CACNB4: variants seen among roughly 807,000 people sequenced by gnomAD.
CACNB4 encodes the protein voltage-dependent L-type calcium channel subunit beta-4.
CACNB4 carries 32 observed loss-of-function variants against 71.2 expected under a neutral mutation model. The ratio of observed to expected loss-of-function variants is 0.45; its 90% CI spans 0.34 to 0.60. CACNB4 has a LOEUF of 0.60. CACNB4 is among the 20% of genes least tolerant of loss of function. The pLI is 0.01. For synonymous variants in CACNB4, 231 were observed against 236.9 expected (o/e 0.97, Z 0.23); for missense variants, 464 against 647.9 (o/e 0.72, Z 3.08).
chr2:151,904,285 A>G (rs2099854210), intron 2 of CACNB4, among the ~76,000 whole-genome samples: 1 of 152,204 alleles, frequency 6.6e-6, no homozygotes, highest in Non-Finnish European at 1.5e-5. Context: ...GCTGAAATGG[A>G]GCCATTATTA....
At chr2:152,090,320 G>C (rs1560193585) in intron 2 of CACNB4, among the ~76,000 whole-genome samples, 1 of 152,202 alleles carries the variant, frequency 6.6e-6, no homozygotes, top group Non-Finnish European at 1.5e-5. Flanking sequence ...GTCATTTTCA[G>C]CTTACATTTC....
At chr2:152,053,724 A>G (rs1450214750) in intron 2 of CACNB4, among the ~76,000 whole-genome samples, 1 of 151,834 alleles carries the variant, frequency 6.6e-6, no homozygotes, top group Non-Finnish European at 1.5e-5. Context: ...GAGTCTCACT[A>G]TGTTGCCCAG....
chr2:151,988,769 T>C (rs1011278588), intron 2 of CACNB4, among the ~76,000 whole-genome samples: 3 of 152,150 alleles, frequency 2.0e-5, no homozygotes, highest in Admixed American at 6.5e-5. Flanking sequence ...TCCACCCTCC[T>C]GGCCCAATCA....
chr2:151,925,664 C>A (rs1231653610), intron 2 of CACNB4, among the ~76,000 whole-genome samples: 1 of 99,360 alleles, frequency 1.0e-5, no homozygotes, highest in Non-Finnish European at 1.8e-5. Flanking sequence ...TGCAAACATC[C>A]AAATATAGGG....
chr2:151,895,093 G>GCACC (rs1553765383), intron 2 of CACNB4, among the ~76,000 whole-genome samples: 6 of 25,648 alleles, frequency 2.3e-4, no homozygotes, highest in African/African-American at 5.9e-4. Flanking sequence ...AACTCAAATA[G>GCACC]CCCCACACAC....
intron 2 of CACNB4, among the ~76,000 whole-genome samples, chr2:151,994,372 T>C (rs1264608852): frequency 6.6e-6 from 1 of 151,136 alleles, no homozygotes; most frequent in African/African-American, 2.4e-5. Context: ...CACACCCAGC[T>C]CATTTTGTAT....
At chr2:151,888,886 A>G (rs1019722647) in intron 2 of CACNB4, among the ~76,000 whole-genome samples, 5 of 152,218 alleles carry the variant, frequency 3.3e-5, no homozygotes, top group African/African-American at 9.6e-5. Context: ...GCGCTGTCCA[A>G]TGGAACTTTT....
rs544453512 is a variant in CACNB4 at position 151,901,665 on chromosome 2, T to G, written c.148-18295A>C. 4.6e-5 allele frequency among the ~76,000 whole-genome samples: 7 copies of G among 152,332 alleles called. No homozygotes were observed. The South Asian group carries it at 1.4e-3, about 32-fold the overall frequency. ...TCCGTTTTGAAAATTGCTATTGAAA[T>G]GTGGTCTGGTGCTTGTTCCAGAAGT... is the stretch of plus-strand genomic sequence containing the variant. On this transcript the variant is annotated intron_variant, in intron 2 of 13. Coordinates refer to ENST00000539935, the MANE Select transcript of CACNB4 (RefSeq NM_000726.5).
chr2:151,921,752 T>C (rs896383975), intron 2 of CACNB4, among the ~76,000 whole-genome samples: 3 of 152,172 alleles, frequency 2.0e-5, no homozygotes, highest in Non-Finnish European at 2.9e-5. Context: ...ATGGGGCTGA[T>C]TTTTCCCTTG....
intron 2 of CACNB4, among the ~76,000 whole-genome samples, chr2:152,061,786 C>A (rs1397238846): frequency 6.6e-6 from 1 of 151,662 alleles, no homozygotes; most frequent in Non-Finnish European, 1.5e-5. Flanking sequence ...CCGAGGCAGG[C>A]GGATCACCAG....
Position 151,929,111 on chromosome 2 carries a change from T to C in CACNB4, c.148-45741A>G, listed in dbSNP as rs367720254. ...CATTCCATCTAAGGCTGAAAAGCCA[T>C]CACAGTGCTTACATAATTCTACTCA... On this transcript the variant is annotated intron_variant, in intron 2 of 13. Coordinates refer to ENST00000539935, the MANE Select transcript of CACNB4 (RefSeq NM_000726.5). Among the ~76,000 whole-genome samples the C allele has an allele frequency of 2.6e-5, 4 of 152,158 alleles. No homozygotes were observed. The East Asian group carries it at 5.8e-4, about 22-fold the overall frequency.
chr2:151,880,608 T>C (rs1163860617), intron 4 of CACNB4, 192 bp downstream of exon 4: 3 of 611,790 alleles, frequency 4.9e-6, no homozygotes, highest in African/African-American at 3.8e-5. Flanking sequence ...GTTGTCAGTG[T>C]GTGATAATGC....
intron 4 of CACNB4, 21 bp downstream of exon 4, chr2:151,880,779 T>C (rs2099847623): frequency 3.7e-6 from 6 of 1,602,882 alleles, no homozygotes; most frequent in Non-Finnish European, 5.1e-6. Context: ...GGTGAAGGGA[T>C]GCAGTATGTT....
intron 11 of CACNB4, 176 bp from the exon 12 acceptor site, chr2:151,853,719 T>G: frequency 2.0e-6 from 1 of 493,364 alleles, no homozygotes; most frequent in Non-Finnish European, 3.5e-6. Flanking sequence ...GGCTCTCAGT[T>G]CCATGGATTT....
At chr2:151,956,665 T>C (rs139966333) in intron 2 of CACNB4, among the ~76,000 whole-genome samples, 1 of 152,334 alleles carries the variant, frequency 6.6e-6, no homozygotes, top group East Asian at 1.9e-4. Flanking sequence ...TTTAAACGGC[T>C]GAATTCCTTG....
chr2:152,083,602 C>G (rs1258288411), intron 2 of CACNB4, among the ~76,000 whole-genome samples: 2 of 152,188 alleles, frequency 1.3e-5, no homozygotes, highest in Non-Finnish European at 2.9e-5. Flanking sequence ...GCTGATGAAG[C>G]CACGAACTTT....
intron 2 of CACNB4, among the ~76,000 whole-genome samples, chr2:152,091,664 T>C (rs2105470387): frequency 6.6e-6 from 1 of 152,122 alleles, no homozygotes; most frequent in East Asian, 1.9e-4. Context: ...ACGTAACTGG[T>C]TGTGCCCCTC....
At position 152,098,585 on chromosome 2, in the gene CACNB4, CTG is replaced by C; in HGVS notation, c.64-174_64-173del. On this transcript the variant is annotated intron_variant, in intron 1 of 13. Coordinates refer to ENST00000539935, the MANE Select transcript of CACNB4 (RefSeq NM_000726.5). This position sits in a 1 kb window ranked among gnomAD's most constrained non-coding sequence, Gnocchi z 5.3. Reference sequence around the variant, plus strand: ...TACAGCCCCCACCCCCACCCACCCACTGCAAGCCTCGACTGCTGAAAAGATGC... The same window carrying C: ...TACAGCCCCCACCCCCACCCACCCACCAAGCCTCGACTGCTGAAAAGATGC... 111 of 1,198,050 alleles carry C rather than the reference CTG, an allele frequency of 9.3e-5. No homozygotes were observed. The highest frequency in any genetic ancestry group is 1.2e-4 in the Non-Finnish European group (96 of 823,776). The allele number at this position is 1,198,050 out of a possible 1,614,324, so 74.2% of individuals were successfully genotyped here. A position where few individuals can be genotyped will look rare whatever the true frequency, so the allele number is the denominator to read the frequency against.
At chr2:151,992,883 G>T (rs1192170241) in intron 2 of CACNB4, among the ~76,000 whole-genome samples, 1 of 152,210 alleles carries the variant, frequency 6.6e-6, no homozygotes, top group Non-Finnish European at 1.5e-5. Context: ...CACTAAAGAT[G>T]CTTTGGAAAT....
Sources: allele counts gnomAD v4.1 joint callset (sites outside exome capture counted in the v4.1 genomes callset), GRCh38; gene constraint gnomAD v4.1.1; non-coding constraint Gnocchi (gnomAD v3.1); transcripts MANE v1.5; gene names NCBI Gene and HGNC (gene_info 2026-07-23, HGNC 2026-07-21).